The following ZFPM2 variants were observed in gnomAD, a reference collection of about 807,000 sequenced individuals.
ZFPM2 encodes zinc finger protein ZFPM2.
In ZFPM2, 20 loss-of-function variants were observed where a neutral mutation model predicts 98.6. The ratio of observed to expected loss-of-function variants is 0.20; its 90% CI spans 0.14 to 0.29. The LOEUF (loss-of-function observed/expected upper bound fraction) is 0.29, where lower values mean the gene tolerates loss of function less well. ZFPM2 is among the 10% of genes least tolerant of loss of function. The pLI, the probability that ZFPM2 is intolerant of heterozygous loss-of-function variation, is 1.00. For synonymous variants in ZFPM2, 518 were observed against 502.7 expected (o/e 1.03, Z -0.41); for missense variants, 1,310 against 1,388.6 (o/e 0.94, Z 0.90).
At chr8:105,440,026 C>T (rs1812204387) in intron 2 of ZFPM2, among the ~76,000 whole-genome samples, 1 of 152,158 alleles carries the variant, frequency 6.6e-6, no homozygotes, top group South Asian at 2.1e-4. Flanking sequence ...AGATGGTAAA[C>T]TGATATTTTA....
At chr8:105,455,303 A>C (rs1812565395) in intron 3 of ZFPM2, among the ~76,000 whole-genome samples, 1 of 152,170 alleles carries the variant, frequency 6.6e-6, no homozygotes, top group Admixed American at 6.5e-5. Context: ...AAAGAGAAAA[A>C]GGCATTATTA....
At chr8:105,670,495 C>CAAAA (rs1160128174) in intron 5 of ZFPM2, among the ~76,000 whole-genome samples, 47 of 49,192 alleles carry the variant, frequency 9.6e-4, no homozygotes, top group African/African-American at 1.4e-3. Flanking sequence ...GAGTCCATCT[C>CAAAA]AAAAAAAAAA....
rs759807384 is a variant in ZFPM2 at position 105,801,377 on chromosome 8, C to A, written c.1295C>A (p.Ala432Glu). Residue 432 changes from alanine (A) to glutamate (E), a missense_variant, in exon 8 of 8, where the codon GCG becomes GAG. Ala to Glu is a moderately radical substitution (Grantham distance 107, BLOSUM62 -1). Transcript: ENST00000407775. ...CAAAAGGCCATGCAGACTAAAGATG[C>A]GAGCTCTGACACAGAGCTGGACAAG... ...QSQKAMQTKDASSDTELDKCE... is the reference protein window; with the variant it reads ...QSQKAMQTKDESSDTELDKCE... The A allele has an allele frequency of 1.9e-6, 3 of 1,613,874 alleles. No individual in the cohort carries two copies. The highest frequency in any genetic ancestry group is 2.5e-6 in the Non-Finnish European group (3 of 1,179,868).
chr8:105,554,170 G>C (rs1440317200), intron 3 of ZFPM2, among the ~76,000 whole-genome samples: 1 of 152,122 alleles, frequency 6.6e-6, no homozygotes, highest in Non-Finnish European at 1.5e-5. Flanking sequence ...ATCATTTCCT[G>C]AGCCAAACCA....
intron 3 of ZFPM2, among the ~76,000 whole-genome samples, chr8:105,460,965 T>C (rs1812694233): frequency 6.6e-6 from 1 of 151,972 alleles, no homozygotes; most frequent in Non-Finnish European, 1.5e-5. Context: ...GTGTGGATAA[T>C]AGAAAAAAAT....
intron 1 of ZFPM2, among the ~76,000 whole-genome samples, chr8:105,407,320 G>A (rs1811482681): frequency 6.6e-6 from 1 of 151,828 alleles, no homozygotes; most frequent in Non-Finnish European, 1.5e-5. Context: ...ACACTATGCT[G>A]GTTGTAGTTA....
intron 1 of ZFPM2, among the ~76,000 whole-genome samples, chr8:105,386,975 A>C (rs1811005062): frequency 6.6e-6 from 1 of 152,138 alleles, no homozygotes; most frequent in South Asian, 2.1e-4. Context: ...TCTGAGCTAG[A>C]CAGAGGGTGC....
intron 4 of ZFPM2, among the ~76,000 whole-genome samples, chr8:105,573,228 G>C (rs754040441): frequency 6.6e-6 from 1 of 152,140 alleles, no homozygotes; most frequent in Non-Finnish European, 1.5e-5. Flanking sequence ...ATAGGACAGG[G>C]AGCCCAAGAC....
intron 4 of ZFPM2, among the ~76,000 whole-genome samples, chr8:105,579,220 G>T (rs17289829): frequency 6.6e-6 from 1 of 151,824 alleles, no homozygotes; most frequent in Non-Finnish European, 1.5e-5. Flanking sequence ...CTTTTTTTCT[G>T]CAAAGAGGAC....
chr8:105,451,999 G>A (rs932327319), intron 3 of ZFPM2, among the ~76,000 whole-genome samples: 5 of 152,014 alleles, frequency 3.3e-5, no homozygotes, highest in African/African-American at 1.2e-4. Context: ...ATGTAGGTGT[G>A]GTCAGAAAAC....
chr8:105,332,701 G>T (rs1240238133), intron 1 of ZFPM2, among the ~76,000 whole-genome samples: 1 of 151,614 alleles, frequency 6.6e-6, no homozygotes, highest in African/African-American at 2.4e-5. Flanking sequence ...GGGCATTGAG[G>T]TTCATAAGCG....
intron 4 of ZFPM2, among the ~76,000 whole-genome samples, chr8:105,578,756 A>T (rs144983159): frequency 1.3e-4 from 20 of 152,240 alleles, no homozygotes; most frequent in Middle Eastern, 3.4e-3. Context: ...GTGACTTTTC[A>T]CTAGAGTGGC....
At chr8:105,552,265 C>G (rs1359568120) in intron 3 of ZFPM2, among the ~76,000 whole-genome samples, 1 of 152,140 alleles carries the variant, frequency 6.6e-6, no homozygotes, top group Non-Finnish European at 1.5e-5. Context: ...GGTAGACTGA[C>G]TTTTAGCTGC....
chr8:105,716,460 A>T (rs1811526528), intron 5 of ZFPM2, among the ~76,000 whole-genome samples: 1 of 152,036 alleles, frequency 6.6e-6, no homozygotes, highest in East Asian at 1.9e-4. Context: ...GTTTACATAT[A>T]TGTCTGTGTT....
intron 5 of ZFPM2, among the ~76,000 whole-genome samples, chr8:105,745,014 A>G (rs985867835): frequency 5.9e-5 from 9 of 152,146 alleles, no homozygotes; most frequent in Non-Finnish European, 8.8e-5. Context: ...TTCTGCATTC[A>G]TAGAATATTA....
chr8:105,751,350 GTAGTGA>G (rs1812471273), intron 5 of ZFPM2, among the ~76,000 whole-genome samples: 1 of 152,072 alleles, frequency 6.6e-6, no homozygotes, highest in African/African-American at 2.4e-5. Flanking sequence ...GGATGGATGG[GTAGTGA>G]TAGCTCCACA....
At chr8:105,537,888 C>T (rs1164709069) in intron 3 of ZFPM2, among the ~76,000 whole-genome samples, 45 of 151,944 alleles carry the variant, frequency 3.0e-4, no homozygotes, top group Admixed American at 1.0e-3. Flanking sequence ...TGTGCCACCA[C>T]GCCTGGCTAA....
At chr8:105,396,310 T>C (rs1456074083) in intron 1 of ZFPM2, among the ~76,000 whole-genome samples, 1 of 152,208 alleles carries the variant, frequency 6.6e-6, no homozygotes, top group Non-Finnish European at 1.5e-5. Context: ...GAAGAGTTTT[T>C]CTAGGCTGCC....
intron 5 of ZFPM2, among the ~76,000 whole-genome samples, chr8:105,707,885 A>G (rs1355510438): frequency 6.6e-6 from 1 of 152,176 alleles, no homozygotes; most frequent in Non-Finnish European, 1.5e-5. Context: ...TCAGGTTATA[A>G]CTCTCCTTTC....
Sources: allele counts gnomAD v4.1 joint callset (sites outside exome capture counted in the v4.1 genomes callset), GRCh38; gene constraint gnomAD v4.1.1; transcripts MANE v1.5; gene names NCBI Gene and HGNC (gene_info 2026-07-23, HGNC 2026-07-21).